SNTG2: variants seen among roughly 807,000 people sequenced by gnomAD.
SNTG2 encodes syntrophin gamma 2, also known as gamma-2-syntrophin.
Under a neutral mutation model 70.9 loss-of-function variants are expected in SNTG2, and 74 were observed. The ratio of observed to expected loss-of-function variants is 1.04; its 90% CI spans 0.86 to 1.27. The LOEUF is 1.27. Ranked by LOEUF, SNTG2 falls within the 50% of genes most tolerant of loss-of-function variation. SNTG2 has a pLI of 0.00. For missense variants in SNTG2, 717 were observed against 690.7 expected (o/e 1.04, Z -0.43); for synonymous variants, 278 against 273.8 (o/e 1.02, Z -0.15).
chr2:993,035 A>C (rs1408330337), intron 1 of SNTG2, among the ~76,000 whole-genome samples: 1 of 149,220 alleles, frequency 6.7e-6, no homozygotes, highest in East Asian at 2.0e-4. Flanking sequence ...GACATTTTAC[A>C]TAGTGTTGGT....
At chr2:990,766 G>A (rs4971355) in intron 1 of SNTG2, among the ~76,000 whole-genome samples, 1 of 151,640 alleles carries the variant, frequency 6.6e-6, no homozygotes, top group East Asian at 1.9e-4. Flanking sequence ...TAAAATAAAT[G>A]CAATAAAATT....
At chr2:1,200,520 A>G (rs899957407) in intron 8 of SNTG2, among the ~76,000 whole-genome samples, 1 of 152,050 alleles carries the variant, frequency 6.6e-6, no homozygotes, top group Non-Finnish European at 1.5e-5. Context: ...AAAATAAACA[A>G]ATGGAACTGT....
intron 16 of SNTG2, among the ~76,000 whole-genome samples, chr2:1,329,784 C>T (rs1025479769): frequency 5.9e-5 from 9 of 151,830 alleles, no homozygotes; most frequent in African/African-American, 1.9e-4. Flanking sequence ...CGCTTATTGA[C>T]GAGTGTTGTA....
At chr2:1,180,451 A>G (rs907557996) in intron 8 of SNTG2, among the ~76,000 whole-genome samples, 1 of 132,430 alleles carries the variant, frequency 7.6e-6, no homozygotes, top group African/African-American at 2.7e-5. Flanking sequence ...TATGCAGCCA[A>G]AAAACACATG....
chr2:1,255,825 TA>T (rs1678027938), intron 12 of SNTG2, among the ~76,000 whole-genome samples: 1 of 59,136 alleles, frequency 1.7e-5, no homozygotes, highest in Admixed American at 2.4e-4. Flanking sequence ...TGTATGTATA[TA>T]TATATAAATA....
chr2:988,571 G>T (rs1481830976), intron 1 of SNTG2, among the ~76,000 whole-genome samples: 1 of 152,178 alleles, frequency 6.6e-6, no homozygotes, highest in African/African-American at 2.4e-5. Flanking sequence ...ATCTGTGGAT[G>T]GGTGTTTTGA....
chr2:1,202,043 A>ATT (rs1160632147), intron 8 of SNTG2, among the ~76,000 whole-genome samples: 21 of 152,136 alleles, frequency 1.4e-4, no homozygotes, highest in Non-Finnish European at 2.8e-4. Flanking sequence ...CAGTAGACCT[A>ATT]CACTACAGGA....
chr2:1,132,320 A>G (rs1166394720), intron 4 of SNTG2, among the ~76,000 whole-genome samples: 1 of 152,044 alleles, frequency 6.6e-6, no homozygotes, highest in Admixed American at 6.5e-5. Context: ...TTTAATCTGC[A>G]ACACCCAAGA....
intron 8 of SNTG2, among the ~76,000 whole-genome samples, chr2:1,205,822 CTT>C (rs1673599371): frequency 2.6e-5 from 4 of 152,152 alleles, no homozygotes; most frequent in African/African-American, 9.7e-5. Flanking sequence ...GATTGACAAT[CTT>C]ATAATAACTG....
At chr2:1,123,543 A>C (rs1265002581) in intron 4 of SNTG2, among the ~76,000 whole-genome samples, 1 of 152,178 alleles carries the variant, frequency 6.6e-6, no homozygotes, top group South Asian at 2.1e-4. Context: ...CTTACACCGT[A>C]TAGGAAACCT....
intron 6 of SNTG2, among the ~76,000 whole-genome samples, chr2:1,154,531 A>G (rs1669728872): frequency 6.6e-6 from 1 of 152,192 alleles, no homozygotes; most frequent in Non-Finnish European, 1.5e-5. Flanking sequence ...TAGGCCGGAT[A>G]AAATGAACAG....
At chr2:1,323,926 A>G (rs12718455) in intron 16 of SNTG2, among the ~76,000 whole-genome samples, 77,989 of 149,772 alleles carry the variant, frequency 0.52, 20,223 homozygotes, top group Middle Eastern at 0.68. Context: ...GACCTCCCCA[A>G]CCCAGGTTAG....
At chr2:1,040,718 T>G (rs1364160043) in intron 1 of SNTG2, among the ~76,000 whole-genome samples, 1 of 152,226 alleles carries the variant, frequency 6.6e-6, no homozygotes, top group Non-Finnish European at 1.5e-5. Flanking sequence ...GTATGAAGCA[T>G]TTCAAAAGAC....
intron 9 of SNTG2, among the ~76,000 whole-genome samples, chr2:1,225,477 G>GC (rs1558561895): frequency 6.6e-6 from 1 of 152,184 alleles, no homozygotes; most frequent in African/African-American, 2.4e-5. Flanking sequence ...AAAGTAAGCC[G>GC]CAGAAAAGCA....
chr2:967,096 C>T (rs1055578079), intron 1 of SNTG2, among the ~76,000 whole-genome samples: 1 of 152,188 alleles, frequency 6.6e-6, no homozygotes, highest in Non-Finnish European at 1.5e-5. Context: ...AGAATTGTCA[C>T]TAGTCAAAAA....
intron 1 of SNTG2, among the ~76,000 whole-genome samples, chr2:977,550 A>G (rs550720667): frequency 1.1e-4 from 17 of 152,258 alleles, no homozygotes; most frequent in Middle Eastern, 6.8e-3. Context: ...GCACTAGTTA[A>G]TAAAATAACC....
chr2:1,051,861 A>G (rs1329927065), intron 1 of SNTG2, among the ~76,000 whole-genome samples: 5 of 152,234 alleles, frequency 3.3e-5, no homozygotes, highest in African/African-American at 7.2e-5. Context: ...GGGCTCTCAC[A>G]GAATCCTGAC....
At chr2:1,151,111 A>G (rs1669457613) in intron 6 of SNTG2, among the ~76,000 whole-genome samples, 1 of 152,242 alleles carries the variant, frequency 6.6e-6, no homozygotes, top group East Asian at 1.9e-4. Flanking sequence ...AGTGGAAAGT[A>G]TCAGTGAAAG....
At chr2:1,124,547 T>C (rs1041578124) in intron 4 of SNTG2, among the ~76,000 whole-genome samples, 5 of 151,952 alleles carry the variant, frequency 3.3e-5, no homozygotes, top group African/African-American at 9.7e-5. Context: ...CCTCCCACCT[T>C]AGCCTCCCAA....
Sources: gnomAD v4.1 joint callset for allele counts (sites outside exome capture counted in the v4.1 genomes callset) on GRCh38, gnomAD v4.1.1 for gene constraint, MANE v1.5 for transcripts, NCBI Gene and HGNC (gene_info 2026-07-23, HGNC 2026-07-21) for gene names.